PAM: variants seen among roughly 807,000 people sequenced by gnomAD.
The protein encoded by PAM is peptidylglycine alpha-amidating monooxygenase, also known as peptidyl-glycine alpha-amidating monooxygenase.
PAM carries 72 observed loss-of-function variants against 122.1 expected under a neutral mutation model. That is an observed-to-expected ratio of 0.59 (90% CI 0.49 to 0.72). The LOEUF (loss-of-function observed/expected upper bound fraction) is 0.72, where lower values mean the gene tolerates loss of function less well. PAM is among the 30% of genes least tolerant of loss of function. The pLI is 0.00. For missense variants in PAM, 1,106 were observed against 1,183.7 expected (o/e 0.93, Z 0.96); for synonymous variants, 389 against 404.4 (o/e 0.96, Z 0.46).
chr5:102,994,381 T>A (rs528794012), intron 16 of PAM, among the ~76,000 whole-genome samples: 5 of 152,200 alleles, frequency 3.3e-5, no homozygotes, highest in Non-Finnish European at 5.9e-5. Flanking sequence ...GAAAGCCTTA[T>A]CTTTTGCAAA....
chr5:102,849,340 C>T (rs1313100842), intron 1 of PAM, among the ~76,000 whole-genome samples: 2 of 151,954 alleles, frequency 1.3e-5, no homozygotes, highest in South Asian at 2.1e-4. Context: ...AGGCGGATCA[C>T]GAGGTCAGGA....
At chr5:102,772,341 A>C (rs1756035047) in intron 1 of PAM, among the ~76,000 whole-genome samples, 1 of 152,102 alleles carries the variant, frequency 6.6e-6, no homozygotes, top group South Asian at 2.1e-4. Flanking sequence ...ATTGAGGCTT[A>C]TAAAGGTAAT....
intron 15 of PAM, among the ~76,000 whole-genome samples, chr5:102,986,091 A>C (rs191399969): frequency 6.6e-6 from 1 of 152,312 alleles, no homozygotes; most frequent in East Asian, 1.9e-4. Context: ...ACTTCTACAT[A>C]ATAAAGTCCC....
chr5:102,896,274 T>C (rs73175430), intron 3 of PAM, among the ~76,000 whole-genome samples: 6,852 of 151,736 alleles, frequency 0.045, 337 homozygotes, highest in East Asian at 0.18. Flanking sequence ...AACTACTTGG[T>C]GTTGAGATTC....
intron 22 of PAM, 103 bp downstream of exon 22, chr5:103,017,536 G>A: frequency 1.3e-6 from 1 of 752,194 alleles, no homozygotes; most frequent in Non-Finnish European, 2.3e-6. Context: ...TTACTGATGA[G>A]AGTAGGAATC....
chr5:102,902,183 T>C (rs1045734697), intron 4 of PAM, among the ~76,000 whole-genome samples: 2 of 151,666 alleles, frequency 1.3e-5, no homozygotes, highest in African/African-American at 4.8e-5. Flanking sequence ...AGTAGTACTT[T>C]GGTCCCTTGA....
intron 15 of PAM, among the ~76,000 whole-genome samples, chr5:102,978,643 G>T (rs941127645): frequency 1.3e-5 from 2 of 151,986 alleles, no homozygotes; most frequent in African/African-American, 2.4e-5. Context: ...GGATTCAGAA[G>T]GTGTTCAATT....
chr5:102,861,118 C>A (rs1269274626), intron 1 of PAM, among the ~76,000 whole-genome samples: 1 of 152,220 alleles, frequency 6.6e-6, no homozygotes, highest in Non-Finnish European at 1.5e-5. Flanking sequence ...CCAGCACTAA[C>A]TTCCCAGCCA....
At chr5:102,833,341 A>G (rs1775972154) in intron 1 of PAM, among the ~76,000 whole-genome samples, 1 of 152,170 alleles carries the variant, frequency 6.6e-6, no homozygotes, top group Non-Finnish European at 1.5e-5. Flanking sequence ...ACAGTGATTC[A>G]TCCTCCTTAA....
chr5:102,964,707 A>G (rs1015075938), intron 14 of PAM, among the ~76,000 whole-genome samples: 1 of 151,658 alleles, frequency 6.6e-6, no homozygotes, highest in Non-Finnish European at 1.5e-5. Context: ...TGAAATATAT[A>G]TTATGCATAT....
intron 16 of PAM, among the ~76,000 whole-genome samples, chr5:102,995,040 T>C (rs1775263469): frequency 6.6e-6 from 1 of 152,138 alleles, no homozygotes; most frequent in Admixed American, 6.6e-5. Context: ...ATCTATTGTT[T>C]TAGAAATCTG....
intron 1 of PAM, among the ~76,000 whole-genome samples, chr5:102,841,027 T>A (rs1778450221): frequency 1.0e-5 from 1 of 99,292 alleles, no homozygotes; most frequent in Non-Finnish European, 1.9e-5. Flanking sequence ...AACATACTCT[T>A]TATGTGATTT....
intron 3 of PAM, among the ~76,000 whole-genome samples, chr5:102,870,582 T>C (rs1787105867): frequency 6.6e-6 from 1 of 152,222 alleles, no homozygotes; most frequent in Non-Finnish European, 1.5e-5. Flanking sequence ...TCTGTTGCAA[T>C]ATCAATTTTA....
chr5:102,873,899 A>G (rs769696192), intron 3 of PAM: 1 of 152,148 alleles, frequency 6.6e-6, no homozygotes, highest in Admixed American at 6.6e-5. Context: ...TAAAACTAGC[A>G]TGGTGATCTT....
chr5:102,779,782 T>G (rs1009585212), intron 1 of PAM, among the ~76,000 whole-genome samples: 1 of 146,810 alleles, frequency 6.8e-6, no homozygotes, highest in African/African-American at 2.6e-5. Context: ...CTCCAAGTTC[T>G]TCAGTTTTGA....
chr5:102,755,111 G>A, upstream of PAM: 1 of 152,548 alleles, frequency 6.6e-6, no homozygotes, highest in Non-Finnish European at 1.5e-5. Flanking sequence ...CGAGCGCGGG[G>A]CTGGCCCGGG....
At chr5:102,852,482 G>A (rs879732598) in intron 1 of PAM, among the ~76,000 whole-genome samples, 103 of 151,836 alleles carry the variant, frequency 6.8e-4, no homozygotes, top group African/African-American at 2.4e-3. Flanking sequence ...CTTTCAAAAG[G>A]GTAACGGTTT....
chr5:102,997,453 A>C (rs1348811369), intron 16 of PAM, among the ~76,000 whole-genome samples: 2 of 152,058 alleles, frequency 1.3e-5, no homozygotes, highest in Non-Finnish European at 2.9e-5. Context: ...TGGTAGGTTG[A>C]GGCTCCCATG....
intron 1 of PAM, among the ~76,000 whole-genome samples, chr5:102,800,305 C>G (rs574605192): frequency 2.0e-5 from 3 of 152,222 alleles, no homozygotes; most frequent in Non-Finnish European, 4.4e-5. Flanking sequence ...GTCATTCCCC[C>G]ATCCAGTCAG....
Sources: gnomAD v4.1 joint callset for allele counts (sites outside exome capture counted in the v4.1 genomes callset) on GRCh38, gnomAD v4.1.1 for gene constraint, MANE v1.5 for transcripts, NCBI Gene and HGNC (gene_info 2026-07-23, HGNC 2026-07-21) for gene names.